Variants in SOS1 observed in about 807,000 individuals in gnomAD.
SOS1 encodes SOS Ras/Rac guanine nucleotide exchange factor 1.
SOS1 carries 25 observed loss-of-function variants against 157.6 expected under a neutral mutation model. The observed-to-expected ratio is 0.16, with a 90% CI of 0.12 to 0.22. The LOEUF is 0.22. Ranked by LOEUF, SOS1 falls within the 10% of genes least tolerant of loss-of-function variation. SOS1 has a pLI of 1.00. For missense variants in SOS1, 1,237 were observed against 1,599.1 expected (o/e 0.77, Z 3.86); for synonymous variants, 528 against 534.0 (o/e 0.99, Z 0.16).
intron 1 of SOS1, among the ~76,000 whole-genome samples, chr2:39,096,790 A>G (rs1455507412): frequency 3.9e-5 from 6 of 151,994 alleles, no homozygotes; most frequent in Non-Finnish European, 8.8e-5. Flanking sequence ...GGAGGCTGAG[A>G]CAGGAGAATG....
upstream of SOS1, among the ~76,000 whole-genome samples, chr2:39,121,624 G>T (rs1049871840): frequency 6.6e-6 from 1 of 152,184 alleles, no homozygotes; most frequent in South Asian, 2.1e-4. Context: ...TCCTCCAGTG[G>T]ATATCGAGAC....
intron 20 of SOS1, chr2:38,992,158 G>A (rs1403637389): frequency 6.6e-6 from 1 of 152,174 alleles, no homozygotes; most frequent in South Asian, 2.1e-4. Context: ...GAGGCTCTGG[G>A]TGATCCTCTG....
chr2:39,008,324 C>T (rs1669345317), intron 15 of SOS1, among the ~76,000 whole-genome samples: 1 of 152,188 alleles, frequency 6.6e-6, no homozygotes, highest in South Asian at 2.1e-4. Context: ...ACTCTACCTG[C>T]TCAACCAAGC....
intron 1 of SOS1, among the ~76,000 whole-genome samples, chr2:39,111,486 G>C (rs1174851816): frequency 1.3e-5 from 2 of 152,108 alleles, no homozygotes; most frequent in African/African-American, 4.8e-5. Flanking sequence ...TTTGTCTATA[G>C]CTGTAATAAA....
upstream of SOS1, among the ~76,000 whole-genome samples, chr2:39,121,699 T>C (rs1331665691): frequency 6.6e-6 from 1 of 152,236 alleles, no homozygotes; most frequent in African/African-American, 2.4e-5. Flanking sequence ...TATTGTGTTT[T>C]GTTATCTTTT....
At chr2:39,020,996 T>G (rs1243663863) in intron 10 of SOS1, among the ~76,000 whole-genome samples, 1 of 151,762 alleles carries the variant, frequency 6.6e-6, no homozygotes, top group Non-Finnish European at 1.5e-5. Flanking sequence ...AATAATCTCA[T>G]CAACTTAAAT....
intron 16 of SOS1, 69 bp downstream of exon 16, chr2:39,006,962 A>G (rs1027465341): frequency 2.0e-6 from 2 of 1,016,270 alleles, no homozygotes; most frequent in African/African-American, 1.6e-5. Context: ...TAAAGATAAT[A>G]ATTGTTAAAA....
chr2:39,042,136 G>A (rs1432385962), intron 6 of SOS1, among the ~76,000 whole-genome samples: 2 of 152,096 alleles, frequency 1.3e-5, no homozygotes, highest in Non-Finnish European at 2.9e-5. Flanking sequence ...GTCTTAATAT[G>A]TGGCAAGACT....
At chr2:39,038,908 G>T (rs1464452522) in intron 6 of SOS1, among the ~76,000 whole-genome samples, 1 of 151,950 alleles carries the variant, frequency 6.6e-6, no homozygotes. Context: ...TGGGTAAAGT[G>T]CTATCAAACA....
intron 17 of SOS1, among the ~76,000 whole-genome samples, chr2:39,002,927 T>C (rs1015669735): frequency 6.6e-6 from 1 of 152,098 alleles, no homozygotes; most frequent in East Asian, 1.9e-4. Flanking sequence ...TAGCCAGGCA[T>C]AGTGGTTTGT....
intron 1 of SOS1, among the ~76,000 whole-genome samples, chr2:39,081,034 A>T (rs1420967763): frequency 2.6e-5 from 4 of 151,572 alleles, no homozygotes; most frequent in Admixed American, 2.6e-4. Flanking sequence ...AAAAAAAAAT[A>T]ATAAAAAAAT....
intron 2 of SOS1, among the ~76,000 whole-genome samples, chr2:39,059,897 T>G (rs151303766): frequency 6.6e-6 from 1 of 152,120 alleles, no homozygotes; most frequent in Non-Finnish European, 1.5e-5. Context: ...AGAAGCATGT[T>G]GAAAGAAATT....
intron 8 of SOS1, among the ~76,000 whole-genome samples, chr2:39,026,460 A>C (rs1669968706): frequency 6.6e-6 from 1 of 152,212 alleles, no homozygotes; most frequent in African/African-American, 2.4e-5. Flanking sequence ...AAAAGTGTAC[A>C]TATTAATACA....
upstream of SOS1, among the ~76,000 whole-genome samples, chr2:39,121,347 G>A (rs1673888737): frequency 6.6e-6 from 1 of 152,168 alleles, no homozygotes; most frequent in Non-Finnish European, 1.5e-5. Flanking sequence ...TCGGAAAGGG[G>A]TGTGTGTACT....
intron 1 of SOS1, among the ~76,000 whole-genome samples, chr2:39,071,760 G>C (rs1477446392): frequency 6.6e-6 from 1 of 152,120 alleles, no homozygotes. Flanking sequence ...CACTAATATA[G>C]CTCCATTTCC....
At chr2:38,994,376 C>A (rs777805672) in intron 20 of SOS1, among the ~76,000 whole-genome samples, 2 of 152,130 alleles carry the variant, frequency 1.3e-5, no homozygotes, top group African/African-American at 4.8e-5. Context: ...ATTTGTTTCG[C>A]TGCACTGAAA....
chr2:39,033,975 A>C (rs187796938), intron 8 of SOS1, among the ~76,000 whole-genome samples: 1 of 152,294 alleles, frequency 6.6e-6, no homozygotes, highest in Admixed American at 6.5e-5. Context: ...AAAATTCTAT[A>C]TAACAAAACA....
Position 39,022,739 on chromosome 2 carries a change from T to G in SOS1, c.1689A>C (p.Lys563Asn). The change falls in exon 10 of 23, where the codon AAA (lysine) becomes AAC (asparagine). Residue 563 changes from lysine (K) to asparagine (N), a missense_variant. Coordinates refer to ENST00000402219, the MANE Select transcript of SOS1 (RefSeq NM_005633.4). Reference sequence around the variant, plus strand: ...CACTAGGCAGCCTCATCTGCTCCTCTTTCTCTTCCTGTAGCATTGTTACAT... The same window carrying G: ...CACTAGGCAGCCTCATCTGCTCCTCGTTCTCTTCCTGTAGCATTGTTACAT... Reference protein sequence around the residue: ...MLDVTMLQEEKEEQMRLPSAD... With the variant: ...MLDVTMLQEENEEQMRLPSAD... The G allele has an allele frequency of 6.2e-7, 1 of 1,613,806 alleles. No individual in the cohort carries two copies. Among genetic ancestry groups the G allele is most frequent in the Non-Finnish European group, 8.5e-7 (1 of 1,179,726 alleles).
At chr2:38,991,583 G>A (rs1049291864) in intron 20 of SOS1, among the ~76,000 whole-genome samples, 14 of 152,158 alleles carry the variant, frequency 9.2e-5, no homozygotes, top group African/African-American at 2.9e-4. Flanking sequence ...GGTGGACCTG[G>A]CCAGGGCAAG....
Sources: allele counts gnomAD v4.1 joint callset (sites outside exome capture counted in the v4.1 genomes callset), GRCh38; gene constraint gnomAD v4.1.1; transcripts MANE v1.5; gene names NCBI Gene and HGNC (gene_info 2026-07-23, HGNC 2026-07-21).